The following LRRTM3 variants were observed in gnomAD, a reference collection of about 807,000 sequenced individuals.
The protein encoded by LRRTM3 is leucine-rich repeat transmembrane neuronal protein 3.
Under a neutral mutation model 44.7 loss-of-function variants are expected in LRRTM3, and 24 were observed. The ratio of observed to expected loss-of-function variants is 0.54; its 90% CI spans 0.39 to 0.76. The LOEUF (loss-of-function observed/expected upper bound fraction) is 0.76, where lower values mean the gene tolerates loss of function less well. Among genes scored for constraint, LRRTM3 ranks in the 30% least tolerant of loss-of-function variants. LRRTM3 has a pLI of 0.00. For missense variants in LRRTM3, 587 were observed against 702.2 expected (o/e 0.84, Z 1.85); for synonymous variants, 277 against 278.7 (o/e 0.99, Z 0.06).
intron 2 of LRRTM3, among the ~76,000 whole-genome samples, chr10:66,944,422 A>G (rs1326605791): frequency 6.6e-6 from 1 of 152,126 alleles, no homozygotes; most frequent in Admixed American, 6.5e-5. Context: ...CCACATCTTC[A>G]GTTACTTCCT....
At chr10:66,982,589 A>T (rs1850502510) in intron 2 of LRRTM3, among the ~76,000 whole-genome samples, 1 of 152,212 alleles carries the variant, frequency 6.6e-6, no homozygotes, top group African/African-American at 2.4e-5. Flanking sequence ...AGAATAAAAC[A>T]GTAGGTACTG....
At chr10:67,033,443 T>C (rs1715086765) in intron 2 of LRRTM3, among the ~76,000 whole-genome samples, 1 of 152,190 alleles carries the variant, frequency 6.6e-6, no homozygotes, top group Non-Finnish European at 1.5e-5. Flanking sequence ...ATTATCTATG[T>C]ATCAATACTT....
chr10:66,971,350 C>T lies in LRRTM3; in HGVS notation c.1536+42898C>T, dbSNP rs182117239. ...CTGAGGCAGAAGAATCGCTTGAACC[C>T]GGGAGGCGGAGGTTGCAGTGAGCCG... is the stretch of plus-strand genomic sequence containing the variant. On this transcript the variant is annotated intron_variant, in intron 2 of 2. Coordinates refer to ENST00000361320, the MANE Select transcript of LRRTM3 (RefSeq NM_178011.5). Among the ~76,000 whole-genome samples the T allele has an allele frequency of 1.7e-3, 263 of 152,110 alleles. 2 individuals carry two copies. The highest frequency in any genetic ancestry group is 5.4e-3 in the East Asian group (28 of 5,148).
intron 2 of LRRTM3, among the ~76,000 whole-genome samples, chr10:67,078,149 C>A (rs1249283440): frequency 6.6e-6 from 1 of 152,172 alleles, no homozygotes; most frequent in Non-Finnish European, 1.5e-5. Flanking sequence ...CAAAGGTATT[C>A]TGAAAGTCTC....
intron 2 of LRRTM3, among the ~76,000 whole-genome samples, chr10:67,089,157 C>G (rs139464699): frequency 6.6e-6 from 1 of 151,882 alleles, no homozygotes; most frequent in Non-Finnish European, 1.5e-5. Context: ...TAGAGCCAAT[C>G]CCCCATGGAT....
intron 2 of LRRTM3, among the ~76,000 whole-genome samples, chr10:67,017,919 G>A (rs1852761699): frequency 6.6e-6 from 1 of 151,930 alleles, no homozygotes; most frequent in Non-Finnish European, 1.5e-5. Context: ...ACAGGGGTGT[G>A]CCACCACGCC....
At chr10:66,993,643 A>G (rs1392685590) in intron 2 of LRRTM3, among the ~76,000 whole-genome samples, 3 of 151,848 alleles carry the variant, frequency 2.0e-5, no homozygotes, top group Non-Finnish European at 4.4e-5. Flanking sequence ...ACATTCTTCA[A>G]CAAATGTTTA....
intron 2 of LRRTM3, among the ~76,000 whole-genome samples, chr10:66,954,319 A>C (rs1480384524): frequency 6.6e-6 from 1 of 152,166 alleles, no homozygotes; most frequent in East Asian, 1.9e-4. Flanking sequence ...TTCTGTGTCT[A>C]GTTAAACTAA....
intron 2 of LRRTM3, among the ~76,000 whole-genome samples, chr10:66,942,165 T>C (rs1300322314): frequency 6.6e-6 from 1 of 152,146 alleles, no homozygotes; most frequent in African/African-American, 2.4e-5. Flanking sequence ...AAAAGTTAGT[T>C]TTCTCCTGTC....
chr10:66,965,617 GAC>G (rs1399109092), intron 2 of LRRTM3, among the ~76,000 whole-genome samples: 1 of 148,154 alleles, frequency 6.7e-6, no homozygotes, highest in Non-Finnish European at 1.5e-5. Context: ...AGGAGGGCAA[GAC>G]AGTTCCCAAA....
intron 2 of LRRTM3, among the ~76,000 whole-genome samples, chr10:67,092,886 A>G (rs778366656): frequency 2.6e-5 from 4 of 152,016 alleles, no homozygotes; most frequent in Non-Finnish European, 5.9e-5. Context: ...TCCTAAGGGA[A>G]TTTCCTAAAT....
chr10:67,026,994 A>C (rs1853431149), intron 2 of LRRTM3, among the ~76,000 whole-genome samples: 1 of 152,224 alleles, frequency 6.6e-6, no homozygotes, highest in African/African-American at 2.4e-5. Context: ...TCAGAAAATA[A>C]ATGATGATAA....
At chr10:67,086,856 C>T (rs1857340754) in intron 2 of LRRTM3, among the ~76,000 whole-genome samples, 1 of 151,868 alleles carries the variant, frequency 6.6e-6, no homozygotes, top group African/African-American at 2.4e-5. Flanking sequence ...TTTCATTCTG[C>T]CATACTTATA....
chr10:66,991,884 C>G (rs974428691), intron 2 of LRRTM3, among the ~76,000 whole-genome samples: 7 of 152,084 alleles, frequency 4.6e-5, no homozygotes, highest in African/African-American at 1.4e-4. Flanking sequence ...CCAAAGAAAT[C>G]TCATTCTAGA....
chr10:66,926,422 G>C lies in LRRTM3; in HGVS notation c.-162G>C. On this transcript the variant is annotated 5_prime_UTR_variant, in exon 1 of 3. Coordinates refer to ENST00000361320, the MANE Select transcript of LRRTM3 (RefSeq NM_178011.5). ...TGGAGTGTTCTGCGTGGCTGGCAAAGAATAATGTTCCAAAATCGGTCCATC... is the reference window on the plus strand; with the variant it reads ...TGGAGTGTTCTGCGTGGCTGGCAAACAATAATGTTCCAAAATCGGTCCATC... 1 of 729,300 alleles carries C rather than the reference G, an allele frequency of 1.4e-6. No individual in the cohort carries two copies. The highest frequency in any genetic ancestry group is 2.4e-6 in the Non-Finnish European group (1 of 412,876). 45.2% of individuals were successfully genotyped at this position (729,300 alleles called of 1,614,324 possible).
chr10:67,003,888 G>A (rs1029865808), intron 2 of LRRTM3, among the ~76,000 whole-genome samples: 3 of 152,154 alleles, frequency 2.0e-5, no homozygotes, highest in African/African-American at 7.2e-5. Flanking sequence ...GCATAAAACG[G>A]AAGAGAATAA....
intron 2 of LRRTM3, among the ~76,000 whole-genome samples, chr10:67,038,529 TATC>T (rs1854205838): frequency 6.6e-6 from 1 of 152,110 alleles, no homozygotes; most frequent in Admixed American, 6.5e-5. Context: ...TATATTCTGA[TATC>T]ATGGAAATTT....
chr10:67,029,678 A>C (rs1212309218), intron 2 of LRRTM3, among the ~76,000 whole-genome samples: 1 of 152,198 alleles, frequency 6.6e-6, no homozygotes, highest in Non-Finnish European at 1.5e-5. Flanking sequence ...AAAAGACTTA[A>C]GTGTGGCTCT....
intron 2 of LRRTM3, among the ~76,000 whole-genome samples, chr10:67,018,948 T>C (rs1422155381): frequency 6.6e-6 from 1 of 152,240 alleles, no homozygotes; most frequent in Non-Finnish European, 1.5e-5. Context: ...AGACAAACTC[T>C]GATTTTCAGT....
Sources: allele counts gnomAD v4.1 joint callset (sites outside exome capture counted in the v4.1 genomes callset), GRCh38; gene constraint gnomAD v4.1.1; transcripts MANE v1.5; gene names NCBI Gene and HGNC (gene_info 2026-07-23, HGNC 2026-07-21).